TTC23L: variants seen among roughly 807,000 people sequenced by gnomAD.
TTC23L encodes the protein tetratricopeptide repeat protein 23-like.
Under a neutral mutation model 48.1 loss-of-function variants are expected in TTC23L, and 42 were observed. That is an observed-to-expected ratio of 0.87 (90% CI 0.68 to 1.13). The LOEUF (loss-of-function observed/expected upper bound fraction) is 1.13. Ranked by LOEUF, TTC23L falls within the 50% of genes most tolerant of loss-of-function variation. The pLI, the probability that TTC23L is intolerant of heterozygous loss-of-function variation, is 0.00. For synonymous variants in TTC23L, 159 were observed against 157.2 expected (o/e 1.01, Z -0.09); for missense variants, 391 against 421.0 (o/e 0.93, Z 0.62).
the TTC23L span, among the ~76,000 whole-genome samples, chr5:34,914,269 A>G: frequency 6.6e-6 from 1 of 152,226 alleles, no homozygotes; most frequent in African/African-American, 2.4e-5. Flanking sequence ...TCTTATCCCA[A>G]TTCAGCCACT....
intron 9 of TTC23L, among the ~76,000 whole-genome samples, chr5:34,894,174 T>C (rs1169926424): frequency 6.6e-6 from 1 of 152,180 alleles, no homozygotes; most frequent in Non-Finnish European, 1.5e-5. Context: ...ATTTGTCTTT[T>C]GAAATCCTTA....
chr5:34,915,177 A>G, the TTC23L span, among the ~76,000 whole-genome samples: 1 of 152,214 alleles, frequency 6.6e-6, no homozygotes, highest in Non-Finnish European at 1.5e-5. Flanking sequence ...AAAGTTGTGA[A>G]GAATGAAGAC....
At chr5:34,869,723 C>T (rs1761317451) in intron 8 of TTC23L, 1 of 152,046 alleles carries the variant, frequency 6.6e-6, no homozygotes, top group Non-Finnish European at 1.5e-5. Flanking sequence ...TAAAAGTAAC[C>T]TTTTTGTGTA....
chr5:34,915,185 G>A, the TTC23L span, among the ~76,000 whole-genome samples: 1 of 152,344 alleles, frequency 6.6e-6, no homozygotes, highest in African/African-American at 2.4e-5. Context: ...GAAGAATGAA[G>A]ACACGCAACT....
intron 7 of TTC23L, 136 bp from the exon 8 acceptor site, chr5:34,868,769 G>A (rs1225387651): frequency 1.6e-5 from 11 of 701,028 alleles, no homozygotes; most frequent in East Asian, 2.8e-5. Flanking sequence ...TTCCTTCTAC[G>A]AATGAAGGTG....
At chr5:34,925,330 A>G in the TTC23L span, 2 of 1,613,884 alleles carry the variant, frequency 1.2e-6, no homozygotes, top group Admixed American at 3.3e-5. Context: ...CTCTTCTTCC[A>G]CATGATCCCA....
chr5:34,861,184 T>C (rs1449233133), intron 4 of TTC23L: 2 of 152,392 alleles, frequency 1.3e-5, no homozygotes, highest in South Asian at 2.1e-4. Context: ...GCCAGGGTAG[T>C]CTCAATCTCC....
At chr5:34,860,270 T>G (rs552540836) in intron 4 of TTC23L, among the ~76,000 whole-genome samples, 1 of 152,196 alleles carries the variant, frequency 6.6e-6, no homozygotes, top group African/African-American at 2.4e-5. Flanking sequence ...TTGCTTGTTC[T>G]GTCTTCAAGG....
intron 9 of TTC23L, chr5:34,883,333 G>T (rs1258521276): frequency 1.3e-5 from 2 of 152,584 alleles, no homozygotes; most frequent in African/African-American, 4.8e-5. Context: ...ATATGTGTTT[G>T]GTGCATATTC....
intron 3 of TTC23L, among the ~76,000 whole-genome samples, chr5:34,848,435 A>C (rs1401020676): frequency 6.6e-6 from 1 of 152,238 alleles, no homozygotes; most frequent in Non-Finnish European, 1.5e-5. Flanking sequence ...ATAACAGCGA[A>C]CATGAGGAAT....
chr5:34,850,217 T>G, exon 4 of TTC23L: 1 of 1,613,950 alleles, frequency 6.2e-7, no homozygotes, highest in Non-Finnish European at 8.5e-7. Flanking sequence ...TGATTCGATG[T>G]GTCATCCTTT....
intron 1 of TTC23L, among the ~76,000 whole-genome samples, chr5:34,840,052 C>T (rs960353380): frequency 5.3e-5 from 8 of 152,124 alleles, no homozygotes; most frequent in African/African-American, 1.7e-4. Context: ...CCACCACAGC[C>T]GACTATATTT....
chr5:34,880,186 G>C (rs535984245), exon 9 of TTC23L: 2 of 1,608,222 alleles, frequency 1.2e-6, no homozygotes, highest in African/African-American at 1.3e-5. Context: ...TCCAGATGCT[G>C]TTGAGATATA....
the TTC23L span, chr5:34,915,335 C>T: frequency 4.1e-6 from 1 of 243,742 alleles, no homozygotes; most frequent in Non-Finnish European, 8.0e-6. Flanking sequence ...CTCCAAGAGT[C>T]CCAGACAACC....
chr5:34,840,240 G>GCT (rs1236190469), intron 1 of TTC23L, among the ~76,000 whole-genome samples: 2 of 141,574 alleles, frequency 1.4e-5, no homozygotes, highest in Non-Finnish European at 3.1e-5. Flanking sequence ...ATGACCCCGG[G>GCT]GGGGGGGGGG....
At chr5:34,842,911 C>T (rs756567920) in intron 2 of TTC23L, among the ~76,000 whole-genome samples, 1 of 152,132 alleles carries the variant, frequency 6.6e-6, no homozygotes, top group Admixed American at 6.5e-5. Flanking sequence ...CTGCACCCTT[C>T]GCCTCCTAGG....
the TTC23L span, chr5:34,918,286 C>A: frequency 1.4e-6 from 1 of 717,506 alleles, no homozygotes; most frequent in Admixed American, 2.5e-5. Flanking sequence ...GCCTGGGCAA[C>A]AGTGTGAGAC....
At chr5:34,900,480 G>A (rs1763478705), downstream of TTC23L, among the ~76,000 whole-genome samples, 1 of 150,764 alleles carries the variant, frequency 6.6e-6, no homozygotes, top group African/African-American at 2.4e-5. Context: ...CAGCCTGGAT[G>A]AGAAAGTGAG....
chr5:34,893,532 G>A (rs1763009993), intron 9 of TTC23L, among the ~76,000 whole-genome samples: 1 of 152,066 alleles, frequency 6.6e-6, no homozygotes, highest in South Asian at 2.1e-4. Flanking sequence ...AATATAATAT[G>A]GTGATTTGGT....
Sources: gnomAD v4.1 joint callset for allele counts (sites outside exome capture counted in the v4.1 genomes callset) on GRCh38, gnomAD v4.1.1 for gene constraint, MANE v1.5 for transcripts, NCBI Gene and HGNC (gene_info 2026-07-23, HGNC 2026-07-21) for gene names.